MID1: variants seen among roughly 807,000 people sequenced by gnomAD.
MID1 encodes E3 ubiquitin-protein ligase Midline-1.
Under a neutral mutation model 40.4 loss-of-function variants are expected in MID1, and 7 were observed. That is an observed-to-expected ratio of 0.17 (90% CI 0.10 to 0.33). The LOEUF (loss-of-function observed/expected upper bound fraction) is 0.33, where lower values mean the gene tolerates loss of function less well. Among genes scored for constraint, MID1 ranks in the 10% least tolerant of loss-of-function variants. The pLI is 1.00. For synonymous variants in MID1, 229 were observed against 221.2 expected, an observed-to-expected ratio of 1.04 and a Z score of -0.31; for missense variants, 367 against 558.5, an observed-to-expected ratio of 0.66 and a Z score of 3.46.
At chrX:10,506,153 C>A in intron 3 of MID1, 1 of 884,489 alleles carries the variant, frequency 1.1e-6, no homozygotes, top group Non-Finnish European at 1.4e-6. Flanking sequence ...TTTTAAATAT[C>A]TTTGATGTCC....
rs188379741 is a variant in MID1 at position 10,771,997 on chromosome X, T to A, written c.-187+61557A>T. On this transcript the variant is annotated intron_variant, in intron 1 of 10. Transcript: ENST00000380785. ...GATCCAGCAATCCCACTGCTGGGTA[T>A]CTACCCAGAGGAAAAGAAGTCATTA... 3.6e-3 allele frequency among the ~76,000 whole-genome samples: 402 copies of A among 110,793 alleles called. 2 individuals carry two copies. The highest frequency in any genetic ancestry group is 0.013 in the African/African-American group (381 of 30,475).
chrX:10,551,950 T>C (rs1241398206), intron 2 of MID1, among the ~76,000 whole-genome samples: 1 of 110,848 alleles, frequency 9.0e-6, no homozygotes, highest in African/African-American at 3.3e-5. Context: ...GCCTGGAATT[T>C]TTTTTTATTT....
chrX:10,675,410 G>A (rs1275787263), intron 1 of MID1, among the ~76,000 whole-genome samples: 2 of 111,045 alleles, frequency 1.8e-5, no homozygotes, highest in Non-Finnish European at 3.8e-5. Flanking sequence ...GGGAGGGTGC[G>A]CAGAGTTTTT....
intron 1 of MID1, among the ~76,000 whole-genome samples, chrX:10,770,157 C>G (rs777130218): frequency 9.0e-6 from 1 of 111,696 alleles, no homozygotes; most frequent in East Asian, 2.8e-4. Flanking sequence ...TCTCTTCCCT[C>G]AGACTGCAAA....
At chrX:10,825,111 A>T in intron 1 of MID1, among the ~76,000 whole-genome samples, 1 of 112,187 alleles carries the variant, frequency 8.9e-6, no homozygotes, top group Non-Finnish European at 1.9e-5. Context: ...CATACGCCCA[A>T]ACCGTAGACA....
chrX:10,499,776 A>G (rs1602309851), intron 3 of MID1, among the ~76,000 whole-genome samples: 1 of 112,443 alleles, frequency 8.9e-6, no homozygotes, highest in Non-Finnish European at 1.9e-5. Context: ...TGTCACTAAC[A>G]TATTCCACAC....
chrX:10,721,089 C>T (rs1215053660), intron 1 of MID1, among the ~76,000 whole-genome samples: 1 of 109,588 alleles, frequency 9.1e-6, no homozygotes, highest in African/African-American at 3.3e-5. Flanking sequence ...AGGAGATATA[C>T]CTAATGTTAA....
At chrX:10,726,507 GA>G (rs777441664) in intron 1 of MID1, among the ~76,000 whole-genome samples, 15,596 of 101,472 alleles carry the variant, frequency 0.15, 1,969 homozygotes, top group African/African-American at 0.42. Context: ...TTTCTCTGAG[GA>G]AAAAAAAAAA....
chrX:10,497,082 T>C (rs1242701492), intron 3 of MID1, among the ~76,000 whole-genome samples: 1 of 112,582 alleles, frequency 8.9e-6, no homozygotes, highest in Non-Finnish European at 1.9e-5. Context: ...TCATCATTTC[T>C]AGCTCCCCTT....
At chrX:10,472,706 C>T (rs776187428) in intron 6 of MID1, among the ~76,000 whole-genome samples, 6 of 112,368 alleles carry the variant, frequency 5.3e-5, no homozygotes, top group Middle Eastern at 4.6e-3. Context: ...TTTTGTCCAT[C>T]GTTTCCCCTC....
intron 1 of MID1, among the ~76,000 whole-genome samples, chrX:10,818,485 T>C (rs1255868542): frequency 8.9e-6 from 1 of 112,726 alleles, no homozygotes; most frequent in East Asian, 2.8e-4. Context: ...TCAGTGTTTT[T>C]CATTAGCTGT....
intron 1 of MID1, among the ~76,000 whole-genome samples, chrX:10,718,815 C>T (rs1158266265): frequency 1.9e-4 from 21 of 111,524 alleles, no homozygotes; most frequent in East Asian, 2.8e-4. Flanking sequence ...ACTGGCAAAC[C>T]GAATCCAGCA....
intron 1 of MID1, among the ~76,000 whole-genome samples, chrX:10,616,588 T>C (rs745929850): frequency 1.8e-5 from 2 of 112,640 alleles, no homozygotes; most frequent in South Asian, 7.3e-4. Context: ...CATCCACATA[T>C]GCACTTAGCC....
At chrX:10,572,419 C>T (rs1163526989) in intron 1 of MID1, among the ~76,000 whole-genome samples, 1 of 109,522 alleles carries the variant, frequency 9.1e-6, no homozygotes, top group Admixed American at 9.8e-5. Flanking sequence ...GGTGTGGTGG[C>T]GTGCGCCTGT....
intron 1 of MID1, among the ~76,000 whole-genome samples, chrX:10,778,849 C>A (rs377433048): frequency 1.8e-5 from 2 of 113,351 alleles, no homozygotes; most frequent in East Asian, 5.5e-4. Flanking sequence ...TTTTAAGCCA[C>A]TAAATTTGTA....
intron 1 of MID1, among the ~76,000 whole-genome samples, 183 bp downstream of exon 1, chrX:10,620,107 G>C (rs755988604): frequency 6.2e-5 from 7 of 112,310 alleles, no homozygotes; most frequent in African/African-American, 1.9e-4. Flanking sequence ...GGACCAGACC[G>C]GGGTGGCTCA....
intron 1 of MID1, among the ~76,000 whole-genome samples, chrX:10,706,555 A>G (rs778910144): frequency 9.0e-6 from 1 of 110,570 alleles, no homozygotes; most frequent in East Asian, 2.9e-4. Flanking sequence ...GGCACTTCTC[A>G]TTGCTGCCAC....
intron 7 of MID1, among the ~76,000 whole-genome samples, chrX:10,465,603 G>A (rs917833219): frequency 1.8e-5 from 2 of 111,553 alleles, no homozygotes; most frequent in Non-Finnish European, 1.9e-5. Flanking sequence ...ACCTAGTCAA[G>A]TGAGTCCTTT....
chrX:10,615,634 A>T (rs1935826289), intron 1 of MID1, among the ~76,000 whole-genome samples: 1 of 111,396 alleles, frequency 9.0e-6, no homozygotes, highest in Admixed American at 9.5e-5. Context: ...TCCTACTATC[A>T]CCTGACCTCC....
Sources: gnomAD v4.1 joint callset for allele counts (sites outside exome capture counted in the v4.1 genomes callset) on GRCh38, gnomAD v4.1.1 for gene constraint, MANE v1.5 for transcripts, NCBI Gene and HGNC (gene_info 2026-07-23, HGNC 2026-07-21) for gene names.